The following TEX9 variants were observed in gnomAD, a reference collection of about 807,000 sequenced individuals.
The protein encoded by TEX9 is testis-expressed protein 9.
In TEX9, 74 loss-of-function variants were observed where a neutral mutation model predicts 59.6. The ratio of observed to expected loss-of-function variants is 1.24; its 90% confidence interval spans 1.03 to 1.51. The LOEUF (loss-of-function observed/expected upper bound fraction) is 1.51, where lower values mean the gene tolerates loss of function less well. Among genes scored for constraint, TEX9 ranks in the 40% most tolerant of loss-of-function variants. TEX9 has a pLI of 0.00. For missense variants in TEX9, 522 were observed against 447.8 expected, an observed-to-expected ratio of 1.17 and a Z score of -1.49; for synonymous variants, 186 against 152.2, an observed-to-expected ratio of 1.22 and a Z score of -1.64.
At chr15:56,317,073 C>T (rs1206889863) in intron 1 of TEX9, among the ~76,000 whole-genome samples, 7 of 152,172 alleles carry the variant, frequency 4.6e-5, no homozygotes, top group African/African-American at 7.2e-5. Context: ...TGAGATGAAC[C>T]CGGTACCTCA....
At chr15:56,400,314 C>T (rs973163431) in intron 9 of TEX9, among the ~76,000 whole-genome samples, 4 of 152,084 alleles carry the variant, frequency 2.6e-5, no homozygotes, top group African/African-American at 7.2e-5. Context: ...CTGAAAACCA[C>T]GGCACGAAAA....
At chr15:56,311,302 C>A (rs1171476575) in intron 1 of TEX9, among the ~76,000 whole-genome samples, 2 of 119,216 alleles carry the variant, frequency 1.7e-5, no homozygotes, top group African/African-American at 6.4e-5. Context: ...CCTCCCCCCA[C>A]CCCACAACAG....
intron 1 of TEX9, among the ~76,000 whole-genome samples, chr15:56,280,862 C>T (rs529005101): frequency 4.2e-4 from 64 of 152,296 alleles, no homozygotes; most frequent in African/African-American, 1.5e-3. Flanking sequence ...ATAACTTACG[C>T]CTAGCATAGA....
At chr15:56,392,921 G>A (rs2048286562) in intron 7 of TEX9, among the ~76,000 whole-genome samples, 1 of 152,234 alleles carries the variant, frequency 6.6e-6, no homozygotes, top group East Asian at 1.9e-4. Flanking sequence ...TCTCTTTTGG[G>A]AGAATTTTCT....
At chr15:56,407,899 C>G (rs577144321) in intron 9 of TEX9, among the ~76,000 whole-genome samples, 31 of 152,294 alleles carry the variant, frequency 2.0e-4, no homozygotes, top group African/African-American at 7.5e-4. Context: ...ATTAGTACCT[C>G]TTCTGTCTAA....
intron 1 of TEX9, among the ~76,000 whole-genome samples, chr15:56,325,426 A>G (rs2046000969): frequency 6.6e-6 from 1 of 152,150 alleles, no homozygotes; most frequent in Non-Finnish European, 1.5e-5. Flanking sequence ...AAGACTCGAG[A>G]TTCCAAAGGC....
chr15:56,429,956 A>G (rs552058277), intron 12 of TEX9: 1 of 152,318 alleles, frequency 6.6e-6, no homozygotes, highest in South Asian at 2.1e-4. Flanking sequence ...AAATGTATTA[A>G]TTACATATGG....
chr15:56,444,361 T>C, intron 12 of TEX9: 10 of 1,175,728 alleles, frequency 8.5e-6, no homozygotes, highest in Non-Finnish European at 1.2e-5. Context: ...GGCACTGTTC[T>C]AGGTGCTTCA....
At chr15:56,383,982 G>C (rs760089100) in exon 4 of TEX9, 6 of 1,612,494 alleles carry the variant, frequency 3.7e-6, no homozygotes, top group Non-Finnish European at 5.1e-6. Context: ...ATCTAGGCCT[G>C]TTTCAACACA....
chr15:56,342,535 A>T (rs1183995278), intron 1 of TEX9, among the ~76,000 whole-genome samples: 4 of 152,216 alleles, frequency 2.6e-5, no homozygotes, highest in African/African-American at 9.7e-5. Flanking sequence ...AAAGAAAGAA[A>T]AGATAAGCTC....
intron 1 of TEX9, among the ~76,000 whole-genome samples, chr15:56,352,177 C>T (rs1322253517): frequency 6.6e-6 from 1 of 152,136 alleles, no homozygotes; most frequent in African/African-American, 2.4e-5. Flanking sequence ...TAGAAGGAAT[C>T]CTAGACAGGA....
rs1214988827 is a variant in TEX9, at chr15:56,426,626, T to TATACACAC, written c.964-978_964-977insTACACACA. Among the ~76,000 whole-genome samples the TATACACAC allele has an allele frequency of 4.7e-4, 22 of 47,188 alleles. 1 individual carries two copies. Among genetic ancestry groups the TATACACAC allele is most frequent in the Non-Finnish European group, 8.1e-4 (16 of 19,832 alleles). 31.0% of individuals were successfully genotyped at this position (47,188 alleles called of 152,430 possible). ...ATATATATATATATATATATATATA[T>TATACACAC]ACACACACACAAACACACACACACA... On this transcript the variant is annotated intron_variant, in intron 10 of 12. Transcript: ENST00000352903.
chr15:56,447,793 T>C (rs1392211305), downstream of TEX9: 1 of 152,152 alleles, frequency 6.6e-6, no homozygotes, highest in African/African-American at 2.4e-5. Flanking sequence ...TATAAACCTG[T>C]GGTACCTCTC....
At chr15:56,442,434 C>A (rs1435247471) in intron 12 of TEX9, among the ~76,000 whole-genome samples, 3 of 152,150 alleles carry the variant, frequency 2.0e-5, no homozygotes, top group African/African-American at 7.2e-5. Flanking sequence ...ATGACACATG[C>A]ATGTGTGTAT....
chr15:56,401,701 C>G (rs557217998), intron 9 of TEX9, among the ~76,000 whole-genome samples: 1 of 152,280 alleles, frequency 6.6e-6, no homozygotes, highest in East Asian at 1.9e-4. Context: ...GCACATCACA[C>G]TTATTCTAAA....
chr15:56,429,891 C>T (rs1396161746), intron 12 of TEX9: 1 of 152,092 alleles, frequency 6.6e-6, no homozygotes, highest in East Asian at 1.9e-4. Flanking sequence ...ATTTCCTCTA[C>T]AAAAATATCA....
chr15:56,267,672 G>T (rs1351725783), intron 1 of TEX9, among the ~76,000 whole-genome samples: 1 of 152,080 alleles, frequency 6.6e-6, no homozygotes, highest in Non-Finnish European at 1.5e-5. Flanking sequence ...GCTCTGTTCT[G>T]TTTCATTGAT....
intron 1 of TEX9, among the ~76,000 whole-genome samples, chr15:56,306,256 G>GTA (rs2045480415): frequency 1.7e-4 from 1 of 5,950 alleles, no homozygotes; most frequent in African/African-American, 5.0e-4. Flanking sequence ...TAGGTACATA[G>GTA]CAAAAAAAAA....
intron 3 of TEX9, among the ~76,000 whole-genome samples, chr15:56,382,389 A>G (rs2142150304): frequency 6.6e-6 from 1 of 152,236 alleles, no homozygotes; most frequent in South Asian, 2.1e-4. Context: ...TGCAAGACAA[A>G]GGCCCCTTTA....
Sources: allele counts gnomAD v4.1 joint callset (sites outside exome capture counted in the v4.1 genomes callset), GRCh38; gene constraint gnomAD v4.1.1; transcripts MANE v1.5; gene names NCBI Gene and HGNC (gene_info 2026-07-23, HGNC 2026-07-21).